Variants in MTCL1 observed in about 807,000 individuals in gnomAD.
MTCL1 encodes microtubule cross-linking factor 1.
A neutral mutation model predicts 141.4 loss-of-function variants in MTCL1; 79 were observed. That is an observed-to-expected ratio of 0.56 (90% CI 0.47 to 0.67). The LOEUF (loss-of-function observed/expected upper bound fraction) is 0.67. MTCL1 is among the 30% of genes least tolerant of loss of function. The pLI is 0.00. For missense variants in MTCL1, 2,177 were observed against 2,113.9 expected (o/e 1.03, Z -0.59); for synonymous variants, 914 against 875.8 (o/e 1.04, Z -0.77).
At chr18:8,785,983 G>C in exon 7 of MTCL1, 1 of 1,606,236 alleles carries the variant, frequency 6.2e-7, no homozygotes, top group African/African-American at 1.3e-5. Flanking sequence ...CGGCCCGAGG[G>C]GACGAGCGGG....
At chr18:8,746,562 TTTC>T (rs1279223347) in intron 4 of MTCL1, among the ~76,000 whole-genome samples, 1 of 152,168 alleles carries the variant, frequency 6.6e-6, no homozygotes, top group East Asian at 1.9e-4. Context: ...AAGTGGGCAT[TTTC>T]TTGTCCTATG....
intron 5 of MTCL1, among the ~76,000 whole-genome samples, chr18:8,781,448 T>A (rs1211540562): frequency 6.6e-6 from 1 of 152,112 alleles, no homozygotes; most frequent in East Asian, 1.9e-4. Context: ...AAATCCTTCA[T>A]GTGATAAGTT....
chr18:8,710,655 A>T (rs187885801), intron 1 of MTCL1, among the ~76,000 whole-genome samples: 83 of 151,240 alleles, frequency 5.5e-4, no homozygotes, highest in African/African-American at 1.9e-3. Flanking sequence ...AAATCATTGG[A>T]ATCCCTTTTA....
chr18:8,718,412 T>C lies in MTCL1; in HGVS notation c.-27-12T>C, dbSNP rs2096144741. 3 of 1,612,326 alleles carry C rather than the reference T, an allele frequency of 1.9e-6. No homozygotes were observed. ...ACTTGGCTCATAAATCTTCTCTGTC[T>C]GATTTGCATAGGATGAGTTAGATGA... On this transcript the variant is annotated splice_polypyrimidine_tract_variant and intron_variant, in intron 2 of 16. Transcript: ENST00000359865.
At position 8,771,340 on chromosome 18, in the gene MTCL1, C is replaced by T. The variant is rs542157589; in HGVS notation, c.358-6493C>T. Among the ~76,000 whole-genome samples the T allele has an allele frequency of 3.2e-3, 493 of 152,202 alleles. 4 individuals carry two copies. The highest frequency in any genetic ancestry group is 0.012 in the African/African-American group (483 of 41,502). On this transcript the variant is annotated intron_variant, in intron 4 of 16. Transcript: ENST00000359865. Reference sequence around the variant, plus strand: ...CTTCCTTCTAAAAGGGAGAAGAAGACCTCTGCACCTTCATTTCCTTAATCT... The same window carrying T: ...CTTCCTTCTAAAAGGGAGAAGAAGATCTCTGCACCTTCATTTCCTTAATCT...
At chr18:8,732,289 T>A (rs58030432) in intron 4 of MTCL1, among the ~76,000 whole-genome samples, 9,028 of 152,082 alleles carry the variant, frequency 0.059, 678 homozygotes, top group African/African-American at 0.18. Flanking sequence ...TTATTTATTT[T>A]TTAGTAGAGA....
At chr18:8,794,433 G>A (rs2075843275) in intron 8 of MTCL1, among the ~76,000 whole-genome samples, 1 of 152,182 alleles carries the variant, frequency 6.6e-6, no homozygotes, top group Admixed American at 6.5e-5. Flanking sequence ...AGAAGGAACT[G>A]GAAAGGGCAG....
chr18:8,818,933 C>G (rs2076750640), intron 12 of MTCL1, 30 bp from the exon 12 acceptor site: 1 of 1,587,318 alleles, frequency 6.3e-7, no homozygotes, highest in African/African-American at 1.3e-5. Context: ...AAAAGTGAGG[C>G]TAATTATTTT....
intron 6 of MTCL1, among the ~76,000 whole-genome samples, chr18:8,785,459 C>T (rs955516786): frequency 4.6e-5 from 7 of 152,066 alleles, no homozygotes; most frequent in South Asian, 2.1e-4. Flanking sequence ...CTGGGGAGGG[C>T]GCGGAGGGTC....
chr18:8,727,825 A>G (rs1468229219), intron 4 of MTCL1, among the ~76,000 whole-genome samples: 1 of 149,538 alleles, frequency 6.7e-6, no homozygotes, highest in African/African-American at 2.5e-5. Flanking sequence ...ATTGCATTTT[A>G]TGTTCTTTAT....
intron 4 of MTCL1, among the ~76,000 whole-genome samples, chr18:8,726,016 C>G (rs2096208195): frequency 6.6e-6 from 1 of 151,858 alleles, no homozygotes; most frequent in South Asian, 2.1e-4. Flanking sequence ...TGGTCTCAAT[C>G]TCCAGACCTC....
At position 8,771,724 on chromosome 18, in the gene MTCL1, C is replaced by T. The variant is rs530048959; in HGVS notation, c.358-6109C>T. Reference sequence around the variant, plus strand: ...ATTTTATTTAATCATTTTCAGTACTCAGCAAGGCATCAGCTTTAGATGGAT... The same window carrying T: ...ATTTTATTTAATCATTTTCAGTACTTAGCAAGGCATCAGCTTTAGATGGAT... On this transcript the variant is annotated intron_variant, in intron 4 of 16. Transcript: ENST00000359865. Among the ~76,000 whole-genome samples, 84 of 152,288 alleles carry T rather than the reference C, an allele frequency of 5.5e-4. 1 individual carries two copies. The highest frequency in any genetic ancestry group is 1.9e-3 in the African/African-American group (81 of 41,550).
intron 4 of MTCL1, among the ~76,000 whole-genome samples, chr18:8,751,694 G>A (rs1047673115): frequency 2.0e-5 from 3 of 152,200 alleles, no homozygotes; most frequent in African/African-American, 7.2e-5. Flanking sequence ...AGGCAGATGT[G>A]GGGGGTACAG....
intron 1 of MTCL1, 141 bp downstream of exon 1, chr18:8,706,854 G>A: frequency 1.5e-6 from 2 of 1,377,866 alleles, no homozygotes; most frequent in East Asian, 5.7e-5. Context: ...CGCATTGTCA[G>A]GCATTGGCAA....
chr18:8,754,181 G>T (rs2096385836), intron 4 of MTCL1, among the ~76,000 whole-genome samples: 1 of 152,142 alleles, frequency 6.6e-6, no homozygotes, highest in South Asian at 2.1e-4. Flanking sequence ...AGCAATTCTG[G>T]TGTCTCAGCC....
At chr18:8,734,265 G>A (rs145346933) in intron 4 of MTCL1, among the ~76,000 whole-genome samples, 2 of 152,124 alleles carry the variant, frequency 1.3e-5, no homozygotes, top group African/African-American at 4.8e-5. Flanking sequence ...CTCCGTTGAA[G>A]CTTTGGAGGG....
intron 4 of MTCL1, among the ~76,000 whole-genome samples, chr18:8,763,253 C>T (rs953075330): frequency 3.9e-5 from 6 of 152,218 alleles, no homozygotes; most frequent in South Asian, 2.1e-4. Flanking sequence ...AAGAGGAAAA[C>T]GATGTCCAAG....
At chr18:8,798,010 A>T (rs1404804206) in intron 9 of MTCL1, 87 bp from the exon 9 acceptor site, 2 of 1,323,828 alleles carry the variant, frequency 1.5e-6, no homozygotes, top group East Asian at 5.3e-5. Context: ...TCCATAAAGT[A>T]GATGGTTATC....
chr18:8,824,682 T>C lies in MTCL1; in HGVS notation c.3189-17T>C. ...CTCCCTGGCAGGTACTGACACCCTC[T>C]TTTCTGCTTTTCCCAGGGCGGTGTC... On this transcript the variant is annotated splice_polypyrimidine_tract_variant and intron_variant, in intron 14 of 16. Transcript: ENST00000359865. 2 of 1,592,544 alleles carry C rather than the reference T, an allele frequency of 1.3e-6. No homozygotes were observed. The highest frequency in any genetic ancestry group is 1.7e-6 in the Non-Finnish European group (2 of 1,168,740).
Sources: gnomAD v4.1 joint callset for allele counts (sites outside exome capture counted in the v4.1 genomes callset) on GRCh38, gnomAD v4.1.1 for gene constraint, MANE v1.5 for transcripts, NCBI Gene and HGNC (gene_info 2026-07-23, HGNC 2026-07-21) for gene names.